Variants in CFAP221 observed in about 807,000 individuals in gnomAD.
CFAP221 encodes cilia and flagella associated protein 221.
In CFAP221, 97 loss-of-function variants were observed where a neutral mutation model predicts 113.1. The observed-to-expected ratio is 0.86, with a 90% CI of 0.73 to 1.02. The LOEUF is 1.02. Ranked by LOEUF, CFAP221 falls within the 50% of genes least tolerant of loss-of-function variation. The pLI, the probability that CFAP221 is intolerant of heterozygous loss-of-function variation, is 0.00. For missense variants in CFAP221, 1,025 were observed against 1,013.4 expected (o/e 1.01, Z -0.16); for synonymous variants, 331 against 354.4 (o/e 0.93, Z 0.74).
At chr2:119,573,664 C>G (rs1682228148) in intron 6 of CFAP221, among the ~76,000 whole-genome samples, 1 of 152,194 alleles carries the variant, frequency 6.6e-6, no homozygotes, top group Non-Finnish European at 1.5e-5. Context: ...CCACTGCACT[C>G]TAGCCTGCAA....
rs969508342 is a variant in CFAP221 at position 119,630,815 on chromosome 2, C to T, written c.1888C>T (p.Gln630Ter). Residue 630 changes from glutamine to a stop codon, truncating the protein, a stop_gained, in exon 19 of 24, where the codon CAG becomes TAG. Transcript: ENST00000413369. LOFTEE classifies it high-confidence loss of function. ...TALPKQDSTTQLSGKTSVLSM... is the reference protein window; with the variant it reads ...TALPKQDSTT ...CCTTCCGAAACAGGACTCCACAACT[C>T]AGCTCTCTGGCAAAACATCAGTCTT... 1.9e-6 allele frequency: 3 copies of T among 1,613,804 alleles called. No individual in the cohort carries two copies. In the African/African-American group the frequency reaches 4.0e-5, roughly 22 times the overall value.
Position 119,639,927 on chromosome 2 carries a change from G to A in CFAP221, c.2225+55G>A, listed in dbSNP as rs971455643. The A allele has an allele frequency of 8.9e-6, 13 of 1,456,516 alleles. No individual in the cohort carries two copies. The African/African-American group carries it at 1.4e-4, about 16-fold the overall frequency. 90.2% of individuals were successfully genotyped at this position (1,456,516 alleles called of 1,614,324 possible). On this transcript the variant is annotated intron_variant, in intron 21 of 23. Coordinates refer to ENST00000413369, the MANE Select transcript of CFAP221 (RefSeq NM_001271049.2). ...GTATGTGTGCCCCATGTATTACAGA[G>A]GCAATGATCCCCAAAAGTTAAATGC...
intron 7 of CFAP221, among the ~76,000 whole-genome samples, chr2:119,599,964 G>C (rs1048954443): frequency 6.6e-6 from 1 of 152,102 alleles, no homozygotes; most frequent in African/African-American, 2.4e-5. Context: ...AGAAGGGAGG[G>C]TAGCACAAGA....
At chr2:119,630,999 T>G (rs1686738415) in intron 19 of CFAP221, 98 bp downstream of exon 19, 1 of 1,493,134 alleles carries the variant, frequency 6.7e-7, no homozygotes, top group Non-Finnish European at 9.0e-7. Context: ...TTTTTTCTCT[T>G]TGGAATTTCA....
rs1391865094 is a variant in CFAP221, at chr2:119,625,657, G to T, written c.1485G>T (p.Lys495Asn). The stretch of plus-strand genomic sequence containing the variant: ...TGGACAAAGAGAGTATACTGAGAAA[G>T]ATTGGCCAAGCAAAACAATCGATAG... Reference protein sequence around the residue: ...REMDKESILRKIGQAKQSIAQ... With the variant: ...REMDKESILRNIGQAKQSIAQ... Residue 495 changes from lysine to asparagine, a missense_variant, in exon 15 of 24, where the codon AAG becomes AAT. Lys to Asn is a moderately conservative substitution (Grantham distance 94, BLOSUM62 0). Transcript: ENST00000413369. 6.8e-6 allele frequency: 11 copies of T among 1,613,010 alleles called. No individual in the cohort carries two copies. Among genetic ancestry groups the T allele is most frequent in the Admixed American group, 5.0e-5 (3 of 60,000 alleles).
rs751103044 is a variant in CFAP221 at position 119,604,744 on chromosome 2, T to C, written c.864T>C (p.His288=). ...VNVPPEKAMM[H]INFHRPPAKP... is the part of the protein sequence containing the mutation. Reference sequence around the variant, plus strand: ...TTCCTCCAGAAAAAGCAATGATGCATATAAATTTTCACCGACCGCCAGCGA... The same window carrying C: ...TTCCTCCAGAAAAAGCAATGATGCACATAAATTTTCACCGACCGCCAGCGA... The change falls in exon 9 of 24, where the codon CAT becomes CAC. Residue 288 remains histidine (H), a synonymous_variant. Transcript: ENST00000413369. 2 of 1,550,032 alleles carry C rather than the reference T, an allele frequency of 1.3e-6. No homozygotes were observed. The highest frequency in any genetic ancestry group is 1.7e-6 in the Non-Finnish European group (2 of 1,153,026).
At chr2:119,654,480 C>T (rs1489593456) in intron 23 of CFAP221, among the ~76,000 whole-genome samples, 1 of 152,032 alleles carries the variant, frequency 6.6e-6, no homozygotes, top group Non-Finnish European at 1.5e-5. Flanking sequence ...ATATTCAATA[C>T]CTATCTACTC....
In CFAP221 at chr2:119,621,438, T is replaced by C. The variant is rs147954461; in HGVS notation, c.1411-4145T>C. Reference sequence around the variant, plus strand: ...AGTGACTCAGACTCCCACACAATAATAGTGGGAGACTTTAACGCCCCACTT... The same window carrying C: ...AGTGACTCAGACTCCCACACAATAACAGTGGGAGACTTTAACGCCCCACTT... On this transcript the variant is annotated intron_variant, in intron 14 of 23. Transcript: ENST00000413369. Among the ~76,000 whole-genome samples, 268 of 152,174 alleles carry C rather than the reference T, an allele frequency of 1.8e-3. 1 individual carries two copies. Among genetic ancestry groups the C allele is most frequent in the African/African-American group, 5.9e-3 (246 of 41,528 alleles).
intron 5 of CFAP221, among the ~76,000 whole-genome samples, chr2:119,561,344 T>C (rs1681232819): frequency 6.6e-6 from 1 of 152,162 alleles, no homozygotes. Context: ...AGATGGAATA[T>C]TCTGTGCTGA....
downstream of CFAP221, chr2:119,660,094 G>A (rs941523809): frequency 6.6e-6 from 1 of 152,226 alleles, no homozygotes; most frequent in Non-Finnish European, 1.5e-5. Flanking sequence ...CCATGTCAGT[G>A]CATGTACTTA....
chr2:119,621,245 G>A (rs1482470748), intron 14 of CFAP221, among the ~76,000 whole-genome samples: 1 of 151,620 alleles, frequency 6.6e-6, no homozygotes, highest in African/African-American at 2.4e-5. Flanking sequence ...AAAAGCAGGG[G>A]TTGCAATCCT....
intron 18 of CFAP221, 36 bp from the exon 19 acceptor site, chr2:119,630,731 C>T: frequency 6.2e-7 from 1 of 1,605,418 alleles, no homozygotes; most frequent in Non-Finnish European, 8.5e-7. Context: ...CTTATCCTGG[C>T]ATCAAAACTA....
At chr2:119,603,030 ATAT>A (rs1574103946) in intron 8 of CFAP221, among the ~76,000 whole-genome samples, 1 of 152,296 alleles carries the variant, frequency 6.6e-6, no homozygotes, top group East Asian at 1.9e-4. Flanking sequence ...ACTGCAAATA[ATAT>A]TATAACATAT....
At position 119,652,048 on chromosome 2, in the gene CFAP221, A is replaced by T; in HGVS notation, c.2393A>T (p.Tyr798Phe). 1 of 1,612,186 alleles carries T rather than the reference A, an allele frequency of 6.2e-7. No homozygotes were observed. The highest frequency in any genetic ancestry group is 8.5e-7 in the Non-Finnish European group (1 of 1,178,686). The change falls in exon 23 of 24, where the codon TAC becomes TTC. Residue 798 changes from tyrosine (Y) to phenylalanine (F), a missense_variant. By Grantham distance (22) the Tyr-to-Phe change is conservative. Coordinates refer to ENST00000413369, the MANE Select transcript of CFAP221 (RefSeq NM_001271049.2). ...AAAGTGGAATTCCCTATGTTGAACTACAAGGACATCAGGAAGGAGAAGTAA... is the reference window on the plus strand; with the variant it reads ...AAAGTGGAATTCCCTATGTTGAACTTCAAGGACATCAGGAAGGAGAAGTAA... The part of the protein sequence containing the change: ...MIKVEFPMLN[Y>F]KDIRKEKEVK...
At chr2:119,601,058 G>C (rs1352335832) in intron 7 of CFAP221, among the ~76,000 whole-genome samples, 160 bp from the exon 8 acceptor site, 3 of 152,112 alleles carry the variant, frequency 2.0e-5, no homozygotes, top group Non-Finnish European at 4.4e-5. Flanking sequence ...TTAAGTTTTT[G>C]GGAAGCCAAA....
chr2:119,606,656 AT>A (rs1684789410), intron 11 of CFAP221, among the ~76,000 whole-genome samples: 1 of 152,122 alleles, frequency 6.6e-6, no homozygotes. Flanking sequence ...AGGAAAAAAA[AT>A]CACGGTGATG....
chr2:119,571,337 G>A (rs573865531), intron 6 of CFAP221, among the ~76,000 whole-genome samples: 10 of 151,722 alleles, frequency 6.6e-5, no homozygotes, highest in Middle Eastern at 3.4e-3. Context: ...ACGGGGTTTC[G>A]CCCTGTTGGT....
chr2:119,568,913 T>G (rs147522298), intron 6 of CFAP221, among the ~76,000 whole-genome samples: 1 of 152,338 alleles, frequency 6.6e-6, no homozygotes, highest in African/African-American at 2.4e-5. Flanking sequence ...CCCTTGGTCA[T>G]TTTTGTCCGA....
intron 14 of CFAP221, among the ~76,000 whole-genome samples, chr2:119,616,771 C>T (rs1685556280): frequency 6.6e-6 from 1 of 152,232 alleles, no homozygotes; most frequent in Non-Finnish European, 1.5e-5. Context: ...TGGGACTGCA[C>T]CTGTCCTTTG....
Sources: allele counts gnomAD v4.1 joint callset (sites outside exome capture counted in the v4.1 genomes callset), GRCh38; gene constraint gnomAD v4.1.1; transcripts MANE v1.5; gene names NCBI Gene and HGNC (gene_info 2026-07-23, HGNC 2026-07-21).